OGDH: variants seen among roughly 807,000 people sequenced by gnomAD.
OGDH encodes oxoglutarate dehydrogenase.
OGDH carries 38 observed loss-of-function variants against 116.6 expected under a neutral mutation model. The ratio of observed to expected loss-of-function variants is 0.33; its 90% CI spans 0.25 to 0.43. The LOEUF is 0.43. Among genes scored for constraint, OGDH ranks in the 20% least tolerant of loss-of-function variants. The pLI is 1.00. For synonymous variants in OGDH, 488 were observed against 533.3 expected (o/e 0.92, Z 1.17); for missense variants, 825 against 1,357.2 (o/e 0.61, Z 6.16).
At chr7:44,676,308 C>T in intron 9 of OGDH, 159 bp downstream of exon 9, 1 of 1,493,400 alleles carries the variant, frequency 6.7e-7, no homozygotes, top group African/African-American at 1.4e-5. Flanking sequence ...GTAATCCCAG[C>T]ACTTTGGGAG....
intron 2 of OGDH, among the ~76,000 whole-genome samples, chr7:44,629,828 C>G (rs1237007749): frequency 1.3e-5 from 2 of 152,176 alleles, no homozygotes; most frequent in Non-Finnish European, 2.9e-5. Flanking sequence ...GATCCGACCG[C>G]CTCGGCCTCC....
At chr7:44,660,908 A>ACCC (rs765696084) in intron 4 of OGDH, among the ~76,000 whole-genome samples, 2 of 152,036 alleles carry the variant, frequency 1.3e-5, no homozygotes, top group Non-Finnish European at 2.9e-5. Flanking sequence ...GGCCTGGGTG[A>ACCC]CCCTATCTGT....
intron 1 of OGDH, among the ~76,000 whole-genome samples, chr7:44,611,516 C>T (rs962469487): frequency 2.0e-5 from 3 of 151,488 alleles, no homozygotes; most frequent in African/African-American, 7.3e-5. Context: ...ACCTCGTGAT[C>T]CCCCCCGCCT....
chr7:44,628,808 T>C (rs1056333197), intron 2 of OGDH, among the ~76,000 whole-genome samples: 1 of 152,022 alleles, frequency 6.6e-6, no homozygotes, highest in African/African-American at 2.4e-5. Context: ...ATATTTGTGG[T>C]AAAATATTTT....
intron 1 of OGDH, 44 bp from the exon 2 acceptor site, chr7:44,624,273 T>C: frequency 7.2e-7 from 1 of 1,396,634 alleles, no homozygotes; most frequent in Non-Finnish European, 9.9e-7. Flanking sequence ...ATACTCATTT[T>C]TAAAACCTTT....
intron 6 of OGDH, 119 bp downstream of exon 6, chr7:44,674,060 C>G: frequency 8.5e-7 from 1 of 1,181,910 alleles, no homozygotes; most frequent in Admixed American, 2.2e-5. Flanking sequence ...TGGGGTGGTA[C>G]AGGCAAAGCT....
At chr7:44,615,298 G>C (rs1487349386) in intron 1 of OGDH, among the ~76,000 whole-genome samples, 4 of 152,128 alleles carry the variant, frequency 2.6e-5, no homozygotes, top group African/African-American at 9.7e-5. Context: ...GCGGTGTCTG[G>C]GGGGAGGGAT....
chr7:44,653,392 C>G (rs1251930410), intron 4 of OGDH, among the ~76,000 whole-genome samples: 3 of 152,076 alleles, frequency 2.0e-5, no homozygotes, highest in Non-Finnish European at 2.9e-5. Context: ...TGCGCCTGGC[C>G]CAATTTTATC....
In OGDH at chr7:44,624,409, A is replaced by G. The variant is rs1178781405; in HGVS notation, c.66A>G (p.Thr22=). 3.1e-6 allele frequency: 5 copies of G among 1,609,724 alleles called. No individual in the cohort carries two copies. Among genetic ancestry groups the G allele is most frequent in the Non-Finnish European group, 4.2e-6 (5 of 1,179,592 alleles). ...RPLTASQTVK[T]FSQNRPAAAR... ...TGACGGCTTCCCAGACTGTTAAGAC[A>G]TTTTCACAAAACAGACCAGCAGCAG... Residue 22 remains threonine, a synonymous_variant, in exon 2 of 23, where the codon ACA becomes ACG. Coordinates refer to ENST00000222673, the MANE Select transcript of OGDH (RefSeq NM_002541.4).
Position 44,696,898 on chromosome 7 carries a change from A to C in OGDH, c.1901-16A>C. On this transcript the variant is annotated splice_polypyrimidine_tract_variant and intron_variant, in intron 14 of 22. Coordinates refer to ENST00000222673, the MANE Select transcript of OGDH (RefSeq NM_002541.4). ...GGCAGGGCCTGCAGCAGCTGGTGAG[A>C]GCTGTGTCTCTGCAGGGCTGAGCCG... 6.3e-7 allele frequency: 1 copy of C among 1,596,258 alleles called. No homozygotes were observed. Among genetic ancestry groups the C allele is most frequent in the Non-Finnish European group, 8.6e-7 (1 of 1,169,232 alleles).
chr7:44,701,647 G>C (rs1374619633), intron 20 of OGDH, 32 bp downstream of exon 20: 25 of 1,593,764 alleles, frequency 1.6e-5, no homozygotes, highest in Non-Finnish European at 2.1e-5. Context: ...ATTTCCTTGG[G>C]GGAAGCTATG....
At chr7:44,704,643 T>C (rs1788982531) in intron 20 of OGDH, among the ~76,000 whole-genome samples, 1 of 152,178 alleles carries the variant, frequency 6.6e-6, no homozygotes, top group Non-Finnish European at 1.5e-5. Context: ...TCCCGTTCTA[T>C]GGGTTGTTCT....
At chr7:44,691,531 CAAAAA>C (rs56021103) in intron 10 of OGDH, among the ~76,000 whole-genome samples, 1 of 77,750 alleles carries the variant, frequency 1.3e-5, no homozygotes, top group Non-Finnish European at 2.9e-5. Flanking sequence ...GACCTTCTCT[CAAAAA>C]AAAAAAAAAA....
intron 2 of OGDH, among the ~76,000 whole-genome samples, chr7:44,626,340 C>CCT (rs1253293855): frequency 3.7e-5 from 5 of 135,784 alleles, no homozygotes; most frequent in Admixed American, 1.5e-4. Context: ...CACCCCTACA[C>CCT]ACACACACAC....
At chr7:44,671,657 A>C (rs1787461052) in intron 5 of OGDH, among the ~76,000 whole-genome samples, 1 of 150,718 alleles carries the variant, frequency 6.6e-6, no homozygotes, top group South Asian at 2.1e-4. Context: ...AGTCCCAGCT[A>C]CTCGGGAGGC....
At chr7:44,647,872 T>A in intron 4 of OGDH, 113 bp downstream of exon 4, 1 of 737,410 alleles carries the variant, frequency 1.4e-6, no homozygotes, top group Middle Eastern at 2.6e-4. Flanking sequence ...TTCCTTTCAT[T>A]CTGATCACTT....
intron 1 of OGDH, among the ~76,000 whole-genome samples, chr7:44,618,487 T>C (rs1439398220): frequency 3.3e-5 from 5 of 152,230 alleles, no homozygotes; most frequent in African/African-American, 1.2e-4. Flanking sequence ...TGGAATGTGA[T>C]ATTATTATCG....
At chr7:44,646,458 G>T (rs1295023) in intron 3 of OGDH, among the ~76,000 whole-genome samples, 1,722 of 152,332 alleles carry the variant, frequency 0.011, 31 homozygotes, top group African/African-American at 0.039. Context: ...CTCTCTCCCT[G>T]GGGCAAGTGT....
chr7:44,650,878 A>G (rs549433403), intron 4 of OGDH, among the ~76,000 whole-genome samples: 11 of 152,142 alleles, frequency 7.2e-5, no homozygotes, highest in Admixed American at 3.3e-4. Flanking sequence ...TCACATGACT[A>G]TTTCCCCAGA....
Sources: gnomAD v4.1 joint callset for allele counts (sites outside exome capture counted in the v4.1 genomes callset) on GRCh38, gnomAD v4.1.1 for gene constraint, MANE v1.5 for transcripts, NCBI Gene and HGNC (gene_info 2026-07-23, HGNC 2026-07-21) for gene names.